Variants in BTBD16 observed in about 807,000 individuals in gnomAD.
The protein encoded by BTBD16 is BTB/POZ domain-containing protein 16.
Under a neutral mutation model 67.4 loss-of-function variants are expected in BTBD16, and 66 were observed. The observed-to-expected ratio is 0.98, with a 90% confidence interval of 0.80 to 1.20. BTBD16 has a LOEUF of 1.20. BTBD16 is among the 50% of genes most tolerant of loss of function. BTBD16 has a pLI of 0.00. For synonymous variants in BTBD16, 242 were observed against 236.4 expected, an observed-to-expected ratio of 1.02 and a Z score of -0.22; for missense variants, 634 against 616.0, an observed-to-expected ratio of 1.03 and a Z score of -0.31.
At chr10:122,323,724 C>T (rs896818103) in intron 10 of BTBD16, among the ~76,000 whole-genome samples, 7 of 152,232 alleles carry the variant, frequency 4.6e-5, no homozygotes, top group African/African-American at 1.4e-4. Flanking sequence ...CAAAGAAGGT[C>T]GATGCTGGAA....
At chr10:122,281,169 T>G (rs1489773499) in intron 3 of BTBD16, among the ~76,000 whole-genome samples, 1 of 152,192 alleles carries the variant, frequency 6.6e-6, no homozygotes, top group Admixed American at 6.5e-5. Context: ...TAATTATCCC[T>G]GGCTACAAGG....
intron 10 of BTBD16, among the ~76,000 whole-genome samples, chr10:122,318,969 C>T (rs1424055687): frequency 1.3e-5 from 2 of 152,164 alleles, no homozygotes; most frequent in African/African-American, 4.8e-5. Flanking sequence ...ACTTTCATTT[C>T]CCCAGTGACT....
chr10:122,326,871 T>C (rs147990790), intron 10 of BTBD16, among the ~76,000 whole-genome samples: 25 of 152,326 alleles, frequency 1.6e-4, no homozygotes, highest in African/African-American at 6.0e-4. Flanking sequence ...AAGAGGTCTT[T>C]GCACAAACAG....
At chr10:122,296,534 G>T (rs1025287288) in intron 7 of BTBD16, among the ~76,000 whole-genome samples, 1 of 152,184 alleles carries the variant, frequency 6.6e-6, no homozygotes, top group Admixed American at 6.5e-5. Context: ...GATCCCAGTG[G>T]CTACTCTCGG....
At chr10:122,298,908 C>T in intron 8 of BTBD16, 96 bp from the exon 9 acceptor site, 1 of 1,514,596 alleles carries the variant, frequency 6.6e-7, no homozygotes, top group Non-Finnish European at 8.9e-7. Context: ...TCTGCAGTGA[C>T]TCTCCCTCTG....
intron 9 of BTBD16, among the ~76,000 whole-genome samples, chr10:122,304,116 G>A (rs1213574900): frequency 6.6e-6 from 1 of 152,138 alleles, no homozygotes; most frequent in East Asian, 1.9e-4. Context: ...GTTCTTCACA[G>A]GGACATCATA....
chr10:122,285,787 T>C (rs911775), intron 4 of BTBD16, among the ~76,000 whole-genome samples: 98,049 of 152,008 alleles, frequency 0.65, 33,112 homozygotes, highest in East Asian at 0.89. Context: ...CCTCGTTCCA[T>C]GAAGCTTTTC....
At chr10:122,291,259 G>T (rs2096373629) in intron 7 of BTBD16, 65 bp downstream of exon 7, 1 of 1,547,988 alleles carries the variant, frequency 6.5e-7, no homozygotes, top group African/African-American at 1.4e-5. Flanking sequence ...GCAATTCCTG[G>T]CCCATTTGCT....
At chr10:122,322,409 G>T (rs2096437194) in intron 10 of BTBD16, among the ~76,000 whole-genome samples, 1 of 152,136 alleles carries the variant, frequency 6.6e-6, no homozygotes, top group Admixed American at 6.5e-5. Context: ...GGACATTCTA[G>T]TAGGAGACAG....
chr10:122,276,344 T>C (rs2096340453), intron 2 of BTBD16, among the ~76,000 whole-genome samples: 1 of 152,224 alleles, frequency 6.6e-6, no homozygotes, highest in Non-Finnish European at 1.5e-5. Flanking sequence ...AATTGTACAC[T>C]GTAAAATAGA....
chr10:122,291,016 G>T (rs2096372878), intron 6 of BTBD16, 64 bp from the exon 7 acceptor site: 2 of 1,477,102 alleles, frequency 1.4e-6, no homozygotes, highest in South Asian at 1.4e-5. Context: ...GTGAGGGAGG[G>T]CGCTGGGTGG....
In BTBD16 at chr10:122,289,999, G is replaced by C. The variant is rs2096370975; in HGVS notation, c.475+1G>C. ...AATGACCCACTGGTCACTAAAGTCG[G>C]TATGTATATACCCGTCTATATTCTG... On this transcript the variant is annotated splice_donor_variant, in intron 6 of 15. Transcript: ENST00000260723. LOFTEE classifies it high-confidence loss of function. 1 of 1,587,422 alleles carries C rather than the reference G, an allele frequency of 6.3e-7. No individual in the cohort carries two copies. Among genetic ancestry groups the C allele is most frequent in the Admixed American group, 1.7e-5 (1 of 59,892 alleles).
chr10:122,335,467 A>T (rs924558543), intron 14 of BTBD16, among the ~76,000 whole-genome samples: 7 of 152,150 alleles, frequency 4.6e-5, no homozygotes, highest in African/African-American at 1.4e-4. Flanking sequence ...GAGGCAGGAG[A>T]ATGTCATATT....
chr10:122,293,128 A>T (rs1379484167), intron 7 of BTBD16, among the ~76,000 whole-genome samples: 1 of 152,156 alleles, frequency 6.6e-6, no homozygotes, highest in South Asian at 2.1e-4. Flanking sequence ...TAAAGAAGAG[A>T]TCAGGGCAGG....
chr10:122,283,430 T>C (rs1334392496), intron 3 of BTBD16, among the ~76,000 whole-genome samples: 1 of 152,206 alleles, frequency 6.6e-6, no homozygotes, highest in African/African-American at 2.4e-5. Flanking sequence ...TTGGACACAC[T>C]GAGAATGGGA....
intron 7 of BTBD16, among the ~76,000 whole-genome samples, chr10:122,293,789 A>G (rs1366785917): frequency 6.6e-6 from 1 of 152,174 alleles, no homozygotes; most frequent in Non-Finnish European, 1.5e-5. Flanking sequence ...CCAGGAAGTT[A>G]TCTCTGACCT....
rs367755013 is a variant in BTBD16, at chr10:122,289,997, C to A, written c.474C>A (p.Val158=). 9 of 1,597,712 alleles carry A rather than the reference C, an allele frequency of 5.6e-6. No individual in the cohort carries two copies. The highest frequency in any genetic ancestry group is 6.9e-6 in the Non-Finnish European group (8 of 1,165,568). The change falls in exon 6 of 16, where the codon GTC becomes GTA. Residue 158 remains valine, a splice_region_variant and synonymous_variant. Transcript: ENST00000260723. ...TCAATGACCCACTGGTCACTAAAGT[C>A]GGTATGTATATACCCGTCTATATTC... ...LKINDPLVTK[V]AFATALKNLY... is the part of the protein sequence containing the mutation.
rs767363852 is a variant in BTBD16 at position 122,289,918 on chromosome 10, C to G, written c.395C>G (p.Pro132Arg). Residue 132 changes from proline to arginine, a missense_variant, in exon 6 of 16, where the codon CCT becomes CGT. Coordinates refer to ENST00000260723, the MANE Select transcript of BTBD16 (RefSeq NM_144587.5). Reference sequence around the variant, plus strand: ...TCATTTCCTTTACTAGCTCAATCACCTAAGAAGACCAAAGAAAAATCCCCT... The same window carrying G: ...TCATTTCCTTTACTAGCTCAATCACGTAAGAAGACCAAAGAAAAATCCCCT... The part of the protein sequence containing the change: ...ELEELLRAQS[P>R]KKTKEKSPAK... 2 of 1,613,430 alleles carry G rather than the reference C, an allele frequency of 1.2e-6. No homozygotes were observed. The highest frequency in any genetic ancestry group is 1.7e-6 in the Non-Finnish European group (2 of 1,179,666).
At chr10:122,293,267 ATC>A (rs1240120044) in intron 7 of BTBD16, among the ~76,000 whole-genome samples, 1 of 152,238 alleles carries the variant, frequency 6.6e-6, no homozygotes, top group East Asian at 1.9e-4. Flanking sequence ...AGAGACAGAT[ATC>A]TCCTGGGGAT....
Sources: gnomAD v4.1 joint callset for allele counts (sites outside exome capture counted in the v4.1 genomes callset) on GRCh38, gnomAD v4.1.1 for gene constraint, MANE v1.5 for transcripts, NCBI Gene and HGNC (gene_info 2026-07-23, HGNC 2026-07-21) for gene names.